Variants in PRKAR1B observed in about 807,000 individuals in gnomAD.
PRKAR1B encodes cAMP-dependent protein kinase type I-beta regulatory subunit.
A neutral mutation model predicts 46.5 loss-of-function variants in PRKAR1B; 22 were observed. The ratio of observed to expected loss-of-function variants is 0.47; its 90% confidence interval spans 0.34 to 0.68. The LOEUF is 0.68. PRKAR1B is among the 30% of genes least tolerant of loss of function. The pLI, the probability that PRKAR1B is intolerant of heterozygous loss-of-function variation, is 0.01. For missense variants in PRKAR1B, 445 were observed against 535.6 expected (o/e 0.83, Z 1.67); for synonymous variants, 259 against 217.7 (o/e 1.19, Z -1.67).
At chr7:635,792 G>A (rs998244779) in intron 4 of PRKAR1B, among the ~76,000 whole-genome samples, 1 of 152,088 alleles carries the variant, frequency 6.6e-6, no homozygotes, top group Non-Finnish European at 1.5e-5. Flanking sequence ...TTTGGAGGCA[G>A]GAGTTGGTCC....
At chr7:573,027 C>T (rs1006390715) in intron 9 of PRKAR1B, among the ~76,000 whole-genome samples, 2 of 152,104 alleles carry the variant, frequency 1.3e-5, no homozygotes, top group Non-Finnish European at 2.9e-5. Flanking sequence ...CCCCACCGGC[C>T]GGGCCCCGCC....
chr7:564,564 G>C lies in PRKAR1B; in HGVS notation c.892-13094C>G, dbSNP rs933946311. 3.9e-5 allele frequency among the ~76,000 whole-genome samples: 6 copies of C among 152,268 alleles called. No individual in the cohort carries two copies. In the Middle Eastern group the frequency reaches 0.01, roughly 259 times the overall value. ...CCCGCCCCACCGCATTCAGGCCCTCGACTCCAGCCACAGTGACACCTCTGT... is the reference window on the plus strand; with the variant it reads ...CCCGCCCCACCGCATTCAGGCCCTCCACTCCAGCCACAGTGACACCTCTGT... On this transcript the variant is annotated intron_variant, in intron 9 of 10. Coordinates refer to ENST00000537384, the MANE Select transcript of PRKAR1B (RefSeq NM_001164760.2).
chr7:661,424 C>T (rs1785555005), intron 4 of PRKAR1B, among the ~76,000 whole-genome samples: 3 of 97,222 alleles, frequency 3.1e-5, no homozygotes, highest in South Asian at 4.6e-4. Context: ...CACAGGTCCC[C>T]ACCCCAACGG....
rs543234628 is a variant in PRKAR1B at position 727,254 on chromosome 7, C to G, written c.-67G>C. ...CGCTGCGCTGCTCCCTGCTCGACCC[C>G]TTCGCCGCCGTGCGCCGCGAGAGCT... On this transcript the variant is annotated 5_prime_UTR_variant, in exon 1 of 11. Coordinates refer to ENST00000537384, the MANE Select transcript of PRKAR1B (RefSeq NM_001164760.2). 3.7e-6 allele frequency: 5 copies of G among 1,340,836 alleles called. No individual in the cohort carries two copies. The highest frequency in any genetic ancestry group is 4.8e-6 in the Non-Finnish European group (5 of 1,049,842). The allele number at this position is 1,340,836 out of a possible 1,614,324, so 83.1% of individuals were successfully genotyped here.
intron 9 of PRKAR1B, among the ~76,000 whole-genome samples, chr7:574,283 G>A (rs983667015): frequency 2.0e-5 from 3 of 152,250 alleles, no homozygotes; most frequent in Admixed American, 1.3e-4. Context: ...CTGCAGAGAC[G>A]GCTGAGAAGC....
At chr7:691,909 C>T in intron 2 of PRKAR1B, 1 of 1,064,104 alleles carries the variant, frequency 9.4e-7, no homozygotes, top group Non-Finnish European at 1.2e-6. Context: ...CTCCCTGGAG[C>T]TGCGAGTCCC....
rs1234683284 is a variant in PRKAR1B, at chr7:588,537, ATGGTGGTGACGGTGGTGATGG to A, written c.709-3990_709-3970del. Among the ~76,000 whole-genome samples, 17 of 52,658 alleles carry A rather than the reference ATGGTGGTGACGGTGGTGATGG, an allele frequency of 3.2e-4. 1 individual carries two copies. Among genetic ancestry groups the A allele is most frequent in the African/African-American group, 1.0e-3 (15 of 14,744 alleles). The allele number at this position is 52,658 out of a possible 152,430, so 34.5% of individuals were successfully genotyped here. A position where few individuals can be genotyped will look rare whatever the true frequency, so the allele number is the denominator to read the frequency against. ...CACGATGATGGTGGTGACGGTGGTG[ATGGTGGTGACGGTGGTGATGG>A]TGGTGATGTTGGTGAGGATAGTGAC... On this transcript the variant is annotated intron_variant, in intron 7 of 10. Transcript: ENST00000537384.
intron 9 of PRKAR1B, among the ~76,000 whole-genome samples, chr7:573,141 C>A (rs536874928): frequency 6.6e-6 from 1 of 152,318 alleles, no homozygotes; most frequent in Non-Finnish European, 1.5e-5. Context: ...GATCCCTGCA[C>A]CCCGGGGTCA....
chr7:696,212 C>G (rs983969326), intron 2 of PRKAR1B, among the ~76,000 whole-genome samples: 6 of 151,912 alleles, frequency 3.9e-5, no homozygotes, highest in African/African-American at 1.5e-4. Context: ...ATCCTCCTGT[C>G]TTGACCTCCC....
intron 9 of PRKAR1B, among the ~76,000 whole-genome samples, chr7:554,505 T>C (rs978611895): frequency 6.6e-6 from 1 of 152,188 alleles, no homozygotes; most frequent in Non-Finnish European, 1.5e-5. Context: ...TGTGGAGCAA[T>C]GTTCAGGTGC....
At position 550,669 on chromosome 7, in the gene PRKAR1B, T is replaced by A. The variant is rs28751583; in HGVS notation, c.974-67A>T. On this transcript the variant is annotated intron_variant, in intron 10 of 10. Transcript: ENST00000537384. ...CTGAGGCTGCAGCAGGGAAAGATTATGTCCAGGACCCTGGAAGCGGCTCCC... is the reference window on the plus strand; with the variant it reads ...CTGAGGCTGCAGCAGGGAAAGATTAAGTCCAGGACCCTGGAAGCGGCTCCC... 9.7e-3 allele frequency: 13,165 copies of A among 1,358,340 alleles called. 725 individuals are homozygous for A. The East Asian group carries it at 0.18, about 18-fold the overall frequency. 84.1% of individuals were successfully genotyped at this position (1,358,340 alleles called of 1,614,324 possible). A position where few individuals can be genotyped will look rare whatever the true frequency, so the allele number is the denominator to read the frequency against.
At chr7:553,559 C>T (rs928816376) in intron 9 of PRKAR1B, among the ~76,000 whole-genome samples, 5 of 152,238 alleles carry the variant, frequency 3.3e-5, no homozygotes, top group Admixed American at 6.5e-5. Context: ...CCAGGGATCA[C>T]GTCCCCACAG....
At chr7:706,692 T>A (rs979725989) in intron 2 of PRKAR1B, among the ~76,000 whole-genome samples, 2 of 151,534 alleles carry the variant, frequency 1.3e-5, no homozygotes, top group East Asian at 2.0e-4. Flanking sequence ...CCCAAAGTGC[T>A]GGGATTACAG....
At chr7:639,479 G>A (rs1000907001) in intron 4 of PRKAR1B, among the ~76,000 whole-genome samples, 3 of 152,196 alleles carry the variant, frequency 2.0e-5, no homozygotes, top group Admixed American at 2.0e-4. Flanking sequence ...TATAAAAGAA[G>A]ACAAAATCAG....
intron 1 of PRKAR1B, among the ~76,000 whole-genome samples, chr7:723,743 G>C (rs748838792): frequency 1.3e-5 from 2 of 152,130 alleles, no homozygotes; most frequent in African/African-American, 2.4e-5. Flanking sequence ...CATGTTTTAG[G>C]ACAGAGGCCC....
At chr7:721,871 T>A (rs1289965926) in intron 1 of PRKAR1B, among the ~76,000 whole-genome samples, 1 of 152,014 alleles carries the variant, frequency 6.6e-6, no homozygotes, top group East Asian at 1.9e-4. Flanking sequence ...CCTTTTGTGG[T>A]TTTGGTTAAG....
Position 713,446 on chromosome 7 carries a change from GTCTCCCACTCACCCGTACACACCA to G in PRKAR1B, c.-22-1943_-22-1920del, listed in dbSNP as rs563260293. On this transcript the variant is annotated intron_variant, in intron 1 of 10. Coordinates refer to ENST00000537384, the MANE Select transcript of PRKAR1B (RefSeq NM_001164760.2). ...CCACTATGCTGCCCCATCTTCACCT[GTCTCCCACTCACCCGTACACACCA>G]TCTCCCACTCACCCGTCTCTTGCTC... Among the ~76,000 whole-genome samples, 1,371 of 151,814 alleles carry G rather than the reference GTCTCCCACTCACCCGTACACACCA, an allele frequency of 9.0e-3. 10 individuals carry two copies. Among genetic ancestry groups the G allele is most frequent in the Middle Eastern group, 0.031 (9 of 294 alleles).
intron 2 of PRKAR1B, among the ~76,000 whole-genome samples, chr7:695,224 G>A (rs1779664372): frequency 6.6e-6 from 1 of 152,146 alleles, no homozygotes; most frequent in South Asian, 2.1e-4. Flanking sequence ...GAAGACGTGG[G>A]ATCAGAGGTG....
At chr7:570,857 C>T (rs1779465941) in intron 9 of PRKAR1B, among the ~76,000 whole-genome samples, 1 of 152,086 alleles carries the variant, frequency 6.6e-6, no homozygotes, top group Admixed American at 6.5e-5. Flanking sequence ...ACGGCCCCCA[C>T]CACCCTCCCT....
Sources: allele counts gnomAD v4.1 joint callset (sites outside exome capture counted in the v4.1 genomes callset), GRCh38; gene constraint gnomAD v4.1.1; transcripts MANE v1.5; gene names NCBI Gene and HGNC (gene_info 2026-07-23, HGNC 2026-07-21).